CDH20: variants seen among roughly 807,000 people sequenced by gnomAD.
CDH20 encodes the protein cadherin 20.
In CDH20, 29 loss-of-function variants were observed where a neutral mutation model predicts 74.2. The ratio of observed to expected loss-of-function variants is 0.39; its 90% confidence interval spans 0.29 to 0.53. The LOEUF (loss-of-function observed/expected upper bound fraction) is 0.53. Ranked by LOEUF, CDH20 falls within the 20% of genes least tolerant of loss-of-function variation. The probability of loss-of-function intolerance (pLI) is 0.69; values close to 1 mark genes in which losing one functional copy is unlikely to be tolerated. For synonymous variants in CDH20, 469 were observed against 405.4 expected, an observed-to-expected ratio of 1.16 and a Z score of -1.88; for missense variants, 988 against 1,048.3, an observed-to-expected ratio of 0.94 and a Z score of 0.79.
intron 1 of CDH20, among the ~76,000 whole-genome samples, chr18:61,423,700 TA>T (rs543467783): frequency 1.3e-5 from 2 of 152,082 alleles, no homozygotes; most frequent in Middle Eastern, 3.2e-3. Context: ...CTTCACCCCA[TA>T]AAAAAATTGC....
chr18:61,500,537 T>A (rs1490362714), intron 4 of CDH20, 35 bp downstream of exon 4: 1 of 1,584,632 alleles, frequency 6.3e-7, no homozygotes, highest in East Asian at 2.2e-5. Context: ...GAGGTGTTTA[T>A]TCCCTGATAA....
chr18:61,469,479 G>A (rs2144376298), intron 1 of CDH20, among the ~76,000 whole-genome samples: 1 of 152,172 alleles, frequency 6.6e-6, no homozygotes, highest in African/African-American at 2.4e-5. Flanking sequence ...TGCTTCAGCA[G>A]TTTCGAAACA....
intron 1 of CDH20, among the ~76,000 whole-genome samples, chr18:61,480,055 T>C (rs535457194): frequency 2.6e-5 from 4 of 152,300 alleles, no homozygotes; most frequent in South Asian, 2.1e-4. Context: ...AATGTGAATA[T>C]AGTCTTATAG....
chr18:61,434,467 G>T (rs1289657655), intron 1 of CDH20, among the ~76,000 whole-genome samples: 1 of 152,102 alleles, frequency 6.6e-6, no homozygotes, highest in African/African-American at 2.4e-5. Context: ...TAAGTATTTT[G>T]CATGGTAACC....
intron 7 of CDH20, 45 bp from the exon 8 acceptor site, chr18:61,536,448 T>C (rs779109516): frequency 1.9e-6 from 3 of 1,581,166 alleles, no homozygotes; most frequent in South Asian, 2.2e-5. Context: ...TGCTGTCATA[T>C]GCTTACCCAA....
chr18:61,362,643 T>C (rs539790785), intron 1 of CDH20, among the ~76,000 whole-genome samples: 18 of 152,188 alleles, frequency 1.2e-4, no homozygotes, highest in African/African-American at 4.3e-4. Flanking sequence ...AAGCAACAAT[T>C]CTAAGTAATC....
rs747460197 is a variant in CDH20, at chr18:61,554,263, C to A, written c.1974C>A (p.Ile658=). 1 of 1,614,068 alleles carries A rather than the reference C, an allele frequency of 6.2e-7. No homozygotes were observed. The highest frequency in any genetic ancestry group is 1.1e-5 in the South Asian group (1 of 91,080). The change falls in exon 12 of 12, where the codon ATC becomes ATA. Residue 658 remains isoleucine (I), a synonymous_variant. Coordinates refer to ENST00000262717, the MANE Select transcript of CDH20 (RefSeq NM_031891.4). ...QPYIIDDEEN[I]HENIVRYDDE... ...ACATCATCGACGACGAGGAAAACAT[C>A]CACGAGAACATCGTCCGCTACGACG... is the stretch of plus-strand genomic sequence containing the variant.
At chr18:61,428,539 C>T (rs1439224382) in intron 1 of CDH20, among the ~76,000 whole-genome samples, 1 of 152,154 alleles carries the variant, frequency 6.6e-6, no homozygotes, top group East Asian at 1.9e-4. Context: ...GTCAAGAGCT[C>T]CATTTCCCAT....
intron 1 of CDH20, among the ~76,000 whole-genome samples, chr18:61,358,132 C>T (rs1204903153): frequency 7.7e-4 from 95 of 123,648 alleles, no homozygotes; most frequent in Middle Eastern, 4.5e-3. Flanking sequence ...TTTTTTTTTT[C>T]GAGATGGAGT....
At chr18:61,398,876 G>A (rs1288164692) in intron 1 of CDH20, among the ~76,000 whole-genome samples, 1 of 152,100 alleles carries the variant, frequency 6.6e-6, no homozygotes, top group Non-Finnish European at 1.5e-5. Context: ...GGGAAGATCT[G>A]GCCTATATCA....
chr18:61,465,598 G>GA (rs34570273), intron 1 of CDH20, among the ~76,000 whole-genome samples: 67 of 146,034 alleles, frequency 4.6e-4, no homozygotes, highest in East Asian at 1.0e-3. Flanking sequence ...ATTACATGGG[G>GA]AAAAAAAAAA....
At chr18:61,415,470 T>C (rs1381926875) in intron 1 of CDH20, among the ~76,000 whole-genome samples, 1 of 152,174 alleles carries the variant, frequency 6.6e-6, no homozygotes, top group African/African-American at 2.4e-5. Flanking sequence ...CTAGACTGAA[T>C]CCTTCCTGAT....
intron 1 of CDH20, among the ~76,000 whole-genome samples, chr18:61,429,058 T>TTATGTAGGAATTTC (rs1486934412): frequency 1.3e-5 from 2 of 152,158 alleles, no homozygotes; most frequent in Non-Finnish European, 2.9e-5. Context: ...GTGGAGAGCG[T>TTATGTAGGAATTTC]TATGTAGGAA....
chr18:61,532,381 TCTCTAG>T (rs1912674446), intron 7 of CDH20, among the ~76,000 whole-genome samples: 1 of 152,082 alleles, frequency 6.6e-6, no homozygotes, highest in African/African-American at 2.4e-5. Flanking sequence ...GATTCTGATT[TCTCTAG>T]CTCTTACTCA....
chr18:61,348,249 A>G (rs1354145634), intron 1 of CDH20, among the ~76,000 whole-genome samples: 1 of 152,152 alleles, frequency 6.6e-6, no homozygotes, highest in Non-Finnish European at 1.5e-5. Context: ...ACCTTGAGGA[A>G]ACTGTATTTC....
At chr18:61,492,157 T>C (rs547705484) in intron 2 of CDH20, among the ~76,000 whole-genome samples, 15 of 152,278 alleles carry the variant, frequency 9.9e-5, no homozygotes, top group African/African-American at 3.4e-4. Context: ...ACTCTTGTTT[T>C]TTTTCTCCTA....
chr18:61,476,951 G>C (rs1225605440), intron 1 of CDH20, among the ~76,000 whole-genome samples: 3 of 152,132 alleles, frequency 2.0e-5, no homozygotes, highest in Admixed American at 6.5e-5. Flanking sequence ...TGAACTTTGT[G>C]GGGGCACAAG....
chr18:61,438,412 G>T (rs1234229900), intron 1 of CDH20, among the ~76,000 whole-genome samples: 1 of 152,110 alleles, frequency 6.6e-6, no homozygotes, highest in Non-Finnish European at 1.5e-5. Context: ...TGCCAGAGGT[G>T]CTCTGACACT....
intron 1 of CDH20, among the ~76,000 whole-genome samples, chr18:61,352,249 A>G (rs1346050125): frequency 6.6e-6 from 1 of 152,228 alleles, no homozygotes; most frequent in East Asian, 1.9e-4. Context: ...ATTTCATTGT[A>G]AAAGATGCTA....
Sources: allele counts gnomAD v4.1 joint callset (sites outside exome capture counted in the v4.1 genomes callset), GRCh38; gene constraint gnomAD v4.1.1; transcripts MANE v1.5; gene names NCBI Gene and HGNC (gene_info 2026-07-23, HGNC 2026-07-21).